The following TSPAN5 variants were observed in gnomAD, a reference collection of about 807,000 sequenced individuals.
TSPAN5 encodes the protein tetraspanin 5, also known as tetraspanin-5.
TSPAN5 carries 10 observed loss-of-function variants against 37.1 expected under a neutral mutation model. That is an observed-to-expected ratio of 0.27 (90% CI 0.17 to 0.46). The LOEUF is 0.46. TSPAN5 is among the 20% of genes least tolerant of loss of function. The probability of loss-of-function intolerance (pLI) is 1.00; values close to 1 mark genes in which losing one functional copy is unlikely to be tolerated. For missense variants in TSPAN5, 195 were observed against 326.6 expected (o/e 0.60, Z 3.11); for synonymous variants, 110 against 118.9 (o/e 0.93, Z 0.48).
chr4:98,580,508 G>A (rs1214061111), intron 1 of TSPAN5, among the ~76,000 whole-genome samples: 1 of 152,186 alleles, frequency 6.6e-6, no homozygotes, highest in Non-Finnish European at 1.5e-5. Flanking sequence ...AGGGAGGTGG[G>A]TGATAGTGGA....
chr4:98,569,322 T>A (rs1755069983), intron 1 of TSPAN5, among the ~76,000 whole-genome samples: 1 of 152,200 alleles, frequency 6.6e-6, no homozygotes. Context: ...TGAACTGGGA[T>A]AACACGATGG....
intron 1 of TSPAN5, among the ~76,000 whole-genome samples, chr4:98,581,257 A>C (rs1755363650): frequency 6.6e-6 from 1 of 152,194 alleles, no homozygotes; most frequent in Admixed American, 6.5e-5. Flanking sequence ...CTGAACACAC[A>C]GCAAAATACC....
chr4:98,612,693 C>T (rs1375535373), intron 1 of TSPAN5, among the ~76,000 whole-genome samples: 1 of 152,100 alleles, frequency 6.6e-6, no homozygotes, highest in African/African-American at 2.4e-5. Flanking sequence ...TCCCGCTCCC[C>T]GCGGGGCTCC....
At chr4:98,626,773 A>G (rs1488789514) in intron 1 of TSPAN5, among the ~76,000 whole-genome samples, 1 of 151,322 alleles carries the variant, frequency 6.6e-6, no homozygotes, top group Admixed American at 6.6e-5. Flanking sequence ...GCCTGATTCG[A>G]TCCTCTTTAG....
intron 5 of TSPAN5, among the ~76,000 whole-genome samples, chr4:98,476,751 T>C (rs1339071973): frequency 6.6e-6 from 1 of 152,116 alleles, no homozygotes; most frequent in Admixed American, 6.6e-5. Flanking sequence ...TTCAAAGTGG[T>C]GCCAACCTCA....
At chr4:98,505,383 C>A (rs570354816) in intron 2 of TSPAN5, among the ~76,000 whole-genome samples, 21 of 152,286 alleles carry the variant, frequency 1.4e-4, no homozygotes. Flanking sequence ...CCCTTCTAGG[C>A]CTACTGGCCT....
intron 1 of TSPAN5, among the ~76,000 whole-genome samples, chr4:98,513,044 A>C (rs1753644609): frequency 6.6e-6 from 1 of 152,228 alleles, no homozygotes; most frequent in Non-Finnish European, 1.5e-5. Context: ...CATGTAGTCC[A>C]AAGGATGAGA....
chr4:98,649,310 G>C (rs1757134951), intron 1 of TSPAN5, among the ~76,000 whole-genome samples: 1 of 152,244 alleles, frequency 6.6e-6, no homozygotes, highest in African/African-American at 2.4e-5. Context: ...GGAGGCCTAG[G>C]ATTGCTGGTA....
intron 1 of TSPAN5, among the ~76,000 whole-genome samples, chr4:98,526,582 A>G (rs1454755134): frequency 6.6e-6 from 1 of 152,178 alleles, no homozygotes; most frequent in Non-Finnish European, 1.5e-5. Flanking sequence ...TAAGTTATGA[A>G]TCAATAATGA....
At chr4:98,551,943 G>C (rs1025601217) in intron 1 of TSPAN5, among the ~76,000 whole-genome samples, 2 of 152,082 alleles carry the variant, frequency 1.3e-5, no homozygotes, top group African/African-American at 4.8e-5. Flanking sequence ...AGGAGGTTGT[G>C]TCCCCAGGAG....
chr4:98,504,948 G>A (rs1319900902), intron 2 of TSPAN5, among the ~76,000 whole-genome samples: 1 of 152,130 alleles, frequency 6.6e-6, no homozygotes, highest in African/African-American at 2.4e-5. Context: ...AAGATTTGGT[G>A]TCCAGTGAGG....
At chr4:98,590,764 G>T (rs540297233) in intron 1 of TSPAN5, among the ~76,000 whole-genome samples, 1 of 151,832 alleles carries the variant, frequency 6.6e-6, no homozygotes, top group South Asian at 2.1e-4. Context: ...AGGTCACAGT[G>T]CTGATCAGTG....
At chr4:98,562,723 G>A (rs7679987) in intron 1 of TSPAN5, among the ~76,000 whole-genome samples, 12,374 of 152,100 alleles carry the variant, frequency 0.081, 947 homozygotes, top group African/African-American at 0.19. Flanking sequence ...AGAACTATAC[G>A]GGGAGGACTG....
chr4:98,634,515 AC>A (rs1428827177), intron 1 of TSPAN5, among the ~76,000 whole-genome samples: 2 of 152,188 alleles, frequency 1.3e-5, no homozygotes, highest in African/African-American at 4.8e-5. Flanking sequence ...TTTCAATAAA[AC>A]CCATCAAATG....
intron 1 of TSPAN5, among the ~76,000 whole-genome samples, chr4:98,564,097 T>A (rs1446294508): frequency 6.6e-6 from 1 of 152,196 alleles, no homozygotes; most frequent in African/African-American, 2.4e-5. Context: ...TATCACACTA[T>A]ATTGAAGAAA....
Position 98,559,736 on chromosome 4 carries a change from GAC to G in TSPAN5, c.82-52010_82-52009del, listed in dbSNP as rs1311172069. Among the ~76,000 whole-genome samples the G allele has an allele frequency of 3.9e-5, 6 of 152,068 alleles. No individual in the cohort carries two copies. The South Asian group carries it at 8.3e-4, about 21-fold the overall frequency. On this transcript the variant is annotated intron_variant, in intron 1 of 7. Transcript: ENST00000305798. ...AACATTTTTAGCCCCTGTATCTTCA[GAC>G]AGAGTCTCAACATCCAGGTGCTCCT...
chr4:98,536,089 T>C (rs1234757191), intron 1 of TSPAN5, among the ~76,000 whole-genome samples: 2 of 152,210 alleles, frequency 1.3e-5, no homozygotes, highest in Non-Finnish European at 1.5e-5. Flanking sequence ...GGAGTTGTAA[T>C]CCCTTGGAGG....
intron 3 of TSPAN5, chr4:98,483,159 G>C (rs1037249032): frequency 6.6e-6 from 1 of 152,238 alleles, no homozygotes; most frequent in African/African-American, 2.4e-5. Flanking sequence ...GGTACAGTGC[G>C]GGTAAATTTC....
chr4:98,552,014 T>C (rs1754630268), intron 1 of TSPAN5, among the ~76,000 whole-genome samples: 1 of 152,204 alleles, frequency 6.6e-6, no homozygotes, highest in South Asian at 2.1e-4. Context: ...AATAATAGTC[T>C]CTGATGATCT....
Sources: allele counts gnomAD v4.1 joint callset (sites outside exome capture counted in the v4.1 genomes callset), GRCh38; gene constraint gnomAD v4.1.1; transcripts MANE v1.5; gene names NCBI Gene and HGNC (gene_info 2026-07-23, HGNC 2026-07-21).